The following LUZP2 variants were observed in gnomAD, a reference collection of about 807,000 sequenced individuals.
LUZP2 encodes the protein leucine zipper protein 2.
LUZP2 carries 52 observed loss-of-function variants against 51.6 expected under a neutral mutation model. The ratio of observed to expected loss-of-function variants is 1.01; its 90% CI spans 0.81 to 1.27. The LOEUF is 1.27. LUZP2 is among the 50% of genes most tolerant of loss of function. LUZP2 has a pLI of 0.00. For synonymous variants in LUZP2, 154 were observed against 137.3 expected, an observed-to-expected ratio of 1.12 and a Z score of -0.85; for missense variants, 436 against 395.4, an observed-to-expected ratio of 1.10 and a Z score of -0.87.
chr11:24,977,429 G>C (rs1855910348), intron 8 of LUZP2, among the ~76,000 whole-genome samples: 1 of 151,520 alleles, frequency 6.6e-6, no homozygotes, highest in Non-Finnish European at 1.5e-5. Flanking sequence ...CATGTATATA[G>C]AAAGATACAG....
chr11:24,995,546 A>C lies in LUZP2; in HGVS notation c.765+12253A>C, dbSNP rs77624735. Reference sequence around the variant, plus strand: ...ATGTTACCTCATTTTTTTCTACTTGAAATTATTTCATTTTGCTTTTTAAAG... The same window carrying C: ...ATGTTACCTCATTTTTTTCTACTTGCAATTATTTCATTTTGCTTTTTAAAG... On this transcript the variant is annotated intron_variant, in intron 9 of 11. Coordinates refer to ENST00000336930, the MANE Select transcript of LUZP2 (RefSeq NM_001009909.4). Among the ~76,000 whole-genome samples the C allele has an allele frequency of 2.1e-3, 321 of 151,818 alleles. 1 individual carries two copies. Among genetic ancestry groups the C allele is most frequent in the African/African-American group, 7.5e-3 (312 of 41,344 alleles).
chr11:24,663,002 A>C (rs1856071843), intron 1 of LUZP2, among the ~76,000 whole-genome samples: 1 of 152,064 alleles, frequency 6.6e-6, no homozygotes, highest in Non-Finnish European at 1.5e-5. Context: ...TCTAAACTAA[A>C]TAAATAATAA....
At chr11:24,675,823 A>G (rs970666374) in intron 1 of LUZP2, among the ~76,000 whole-genome samples, 3 of 121,294 alleles carry the variant, frequency 2.5e-5, no homozygotes, top group Non-Finnish European at 3.8e-5. Context: ...TTATTTATTT[A>G]TTTATTTATT....
intron 1 of LUZP2, among the ~76,000 whole-genome samples, chr11:24,502,686 C>T (rs911175056): frequency 3.3e-5 from 5 of 152,026 alleles, no homozygotes. Context: ...GTGCCCAGCC[C>T]CTCCAAAGTG....
At chr11:25,016,262 A>G (rs1857152493) in intron 9 of LUZP2, among the ~76,000 whole-genome samples, 1 of 151,924 alleles carries the variant, frequency 6.6e-6, no homozygotes, top group African/African-American at 2.4e-5. Context: ...CAAGTAGTAT[A>G]TATTTTACCC....
chr11:24,665,350 A>G (rs779170570), intron 1 of LUZP2, among the ~76,000 whole-genome samples: 14 of 152,156 alleles, frequency 9.2e-5, no homozygotes, highest in Non-Finnish European at 2.1e-4. Flanking sequence ...ACAGGCTCAT[A>G]GGTCTGTAGG....
At chr11:24,939,088 T>C (rs143790795) in intron 7 of LUZP2, among the ~76,000 whole-genome samples, 3 of 152,122 alleles carry the variant, frequency 2.0e-5, no homozygotes, top group Non-Finnish European at 4.4e-5. Flanking sequence ...TTTTTAATTT[T>C]AAAATTCTGT....
chr11:24,497,664 C>G (rs1849868217), intron 1 of LUZP2, among the ~76,000 whole-genome samples: 1 of 152,198 alleles, frequency 6.6e-6, no homozygotes, highest in Non-Finnish European at 1.5e-5. Flanking sequence ...TGCCACCAGG[C>G]AGTGTCTTTA....
chr11:24,869,559 T>A (rs1590664307), intron 5 of LUZP2, among the ~76,000 whole-genome samples: 1 of 152,008 alleles, frequency 6.6e-6, no homozygotes, highest in Non-Finnish European at 1.5e-5. Flanking sequence ...GGGGTTCAAG[T>A]GATTCTCCTG....
chr11:24,513,939 G>A (rs73429127), intron 1 of LUZP2, among the ~76,000 whole-genome samples: 3,296 of 152,264 alleles, frequency 0.022, 122 homozygotes, highest in African/African-American at 0.075. Flanking sequence ...AGCATGGAAC[G>A]GATTTAATGT....
At chr11:24,650,498 A>C (rs996665425) in intron 1 of LUZP2, among the ~76,000 whole-genome samples, 2 of 152,048 alleles carry the variant, frequency 1.3e-5, no homozygotes, top group Non-Finnish European at 2.9e-5. Flanking sequence ...AAGAGCCATC[A>C]TAACAGTAAT....
intron 1 of LUZP2, among the ~76,000 whole-genome samples, chr11:24,651,350 A>G (rs1855618183): frequency 6.6e-6 from 1 of 152,138 alleles, no homozygotes; most frequent in Non-Finnish European, 1.5e-5. Context: ...CAGCACAGAG[A>G]TGAACATTTA....
intron 1 of LUZP2, among the ~76,000 whole-genome samples, chr11:24,619,010 T>C (rs1854397595): frequency 2.5e-5 from 1 of 40,814 alleles, no homozygotes; most frequent in Admixed American, 2.1e-4. Flanking sequence ...TTAGCATTAT[T>C]TATTTATTTA....
At chr11:24,683,320 T>C (rs1403024085) in intron 1 of LUZP2, among the ~76,000 whole-genome samples, 3 of 152,196 alleles carry the variant, frequency 2.0e-5, no homozygotes, top group Non-Finnish European at 4.4e-5. Flanking sequence ...GACACGATTC[T>C]TGTCACATAT....
At chr11:24,645,401 T>C (rs1253985567) in intron 1 of LUZP2, among the ~76,000 whole-genome samples, 7 of 152,170 alleles carry the variant, frequency 4.6e-5, no homozygotes, top group African/African-American at 1.7e-4. Flanking sequence ...AATTATATGG[T>C]ATTGAACATG....
intron 10 of LUZP2, among the ~76,000 whole-genome samples, chr11:25,067,986 TA>T (rs561656903): frequency 6.6e-6 from 1 of 151,912 alleles, no homozygotes; most frequent in Admixed American, 6.6e-5. Flanking sequence ...TATGCAGCCA[TA>T]AAAAAGGATG....
rs77100485 is a variant in LUZP2 at position 24,621,206 on chromosome 11, G to T, written c.63-107963G>T. Among the ~76,000 whole-genome samples the T allele has an allele frequency of 8.3e-3, 1,270 of 152,302 alleles. 16 individuals are homozygous for T. The highest frequency in any genetic ancestry group is 0.029 in the African/African-American group (1,196 of 41,576). On this transcript the variant is annotated intron_variant, in intron 1 of 11. Coordinates refer to ENST00000336930, the MANE Select transcript of LUZP2 (RefSeq NM_001009909.4). The stretch of plus-strand genomic sequence containing the variant: ...GTGCATTGAAGTTTAATTTATAACA[G>T]CTTCTGTGTTTGACTCTTAACATTT...
intron 1 of LUZP2, among the ~76,000 whole-genome samples, chr11:24,721,074 G>A (rs1439732948): frequency 2.0e-5 from 3 of 152,098 alleles, no homozygotes; most frequent in African/African-American, 7.2e-5. Flanking sequence ...AAGAAGCTGA[G>A]AAAAATAACA....
At chr11:24,894,334 C>T (rs60144577) in intron 5 of LUZP2, among the ~76,000 whole-genome samples, 6,309 of 151,990 alleles carry the variant, frequency 0.042, 428 homozygotes, top group African/African-American at 0.14. Flanking sequence ...GCCACCACGC[C>T]CGGCTAATTT....
Sources: allele counts gnomAD v4.1 joint callset (sites outside exome capture counted in the v4.1 genomes callset), GRCh38; gene constraint gnomAD v4.1.1; transcripts MANE v1.5; gene names NCBI Gene and HGNC (gene_info 2026-07-23, HGNC 2026-07-21).